Variants in BMPR1B observed in about 807,000 individuals in gnomAD.
BMPR1B encodes the protein bone morphogenetic protein receptor type-1B.
In BMPR1B, 12 loss-of-function variants were observed where a neutral mutation model predicts 59.1. That is an observed-to-expected ratio of 0.20 (90% CI 0.13 to 0.33). The LOEUF (loss-of-function observed/expected upper bound fraction) is 0.33. Ranked by LOEUF, BMPR1B falls within the 10% of genes least tolerant of loss-of-function variation. BMPR1B has a pLI of 1.00. For synonymous variants in BMPR1B, 237 were observed against 207.3 expected, an observed-to-expected ratio of 1.14 and a Z score of -1.23; for missense variants, 550 against 610.9, an observed-to-expected ratio of 0.90 and a Z score of 1.05.
chr4:94,829,575 A>G (rs116665651), intron 1 of BMPR1B, among the ~76,000 whole-genome samples: 2,541 of 152,164 alleles, frequency 0.017, 33 homozygotes, highest in Middle Eastern at 0.027. Flanking sequence ...TTCAACAGTT[A>G]TTTATTGGGT....
At chr4:95,112,956 A>G (rs1332549332) in intron 4 of BMPR1B, among the ~76,000 whole-genome samples, 2 of 152,100 alleles carry the variant, frequency 1.3e-5, no homozygotes, top group East Asian at 1.9e-4. Flanking sequence ...TCTAGCCCCT[A>G]TACCTTCCTG....
At chr4:94,892,479 C>A (rs141664072) in intron 2 of BMPR1B, among the ~76,000 whole-genome samples, 107 of 152,118 alleles carry the variant, frequency 7.0e-4, no homozygotes, top group African/African-American at 2.4e-3. Flanking sequence ...ATACTTTTAA[C>A]AAGCATTTAT....
chr4:94,913,774 A>G (rs558862387), intron 2 of BMPR1B, among the ~76,000 whole-genome samples: 169 of 152,250 alleles, frequency 1.1e-3, no homozygotes, highest in African/African-American at 3.6e-3. Flanking sequence ...GCATCATTCA[A>G]TTGAACTTTT....
intron 3 of BMPR1B, among the ~76,000 whole-genome samples, chr4:95,081,411 A>G (rs1167377165): frequency 1.3e-5 from 2 of 152,214 alleles, no homozygotes; most frequent in Admixed American, 6.5e-5. Flanking sequence ...CTCAGAAATG[A>G]ATGAATTGAG....
At chr4:94,946,187 C>T (rs3796413) in intron 2 of BMPR1B, among the ~76,000 whole-genome samples, 37,506 of 151,990 alleles carry the variant, frequency 0.25, 4,663 homozygotes, top group South Asian at 0.36. Context: ...TTATCTCTTA[C>T]GAATCTTTTG....
At chr4:94,806,930 T>G (rs529135359) in intron 1 of BMPR1B, among the ~76,000 whole-genome samples, 1 of 152,080 alleles carries the variant, frequency 6.6e-6, no homozygotes, top group Non-Finnish European at 1.5e-5. Context: ...CTTTTTCTTA[T>G]TAAAGATATT....
At chr4:95,054,831 A>G (rs1726797145) in intron 3 of BMPR1B, among the ~76,000 whole-genome samples, 1 of 152,176 alleles carries the variant, frequency 6.6e-6, no homozygotes, top group Admixed American at 6.5e-5. Flanking sequence ...TTCTAACACA[A>G]TGGTGGCAAC....
intron 2 of BMPR1B, among the ~76,000 whole-genome samples, chr4:94,882,978 A>ATGTGTGTGTGTGTGTATGTG (rs1727037626): frequency 6.9e-6 from 1 of 144,478 alleles, no homozygotes; most frequent in Non-Finnish European, 1.5e-5. Flanking sequence ...GTGTGTGTGT[A>ATGTGTGTGTGTGTGTATGTG]TGTGTGTGTG....
chr4:94,901,050 G>A (rs1271017351), intron 2 of BMPR1B, among the ~76,000 whole-genome samples: 1 of 151,972 alleles, frequency 6.6e-6, no homozygotes, highest in African/African-American at 2.4e-5. Flanking sequence ...GGCCAGTTAG[G>A]TGTCCTTTTC....
At chr4:95,094,026 G>A (rs1189719227) in intron 3 of BMPR1B, among the ~76,000 whole-genome samples, 1 of 152,002 alleles carries the variant, frequency 6.6e-6, no homozygotes, top group Admixed American at 6.6e-5. Flanking sequence ...CAATTATGTG[G>A]CATTGTGACA....
intron 1 of BMPR1B, among the ~76,000 whole-genome samples, chr4:94,812,875 C>T (rs988026037): frequency 2.0e-5 from 3 of 152,096 alleles, no homozygotes; most frequent in African/African-American, 7.2e-5. Context: ...ATTTTAAATA[C>T]AGTTTATAGA....
rs567733962 is a variant in BMPR1B at position 95,018,939 on chromosome 4, A to G, written c.-18+22805A>G. ...AGCAAGGGGCAGGTGGCGCCAATCTATTTTGATAATCCTTGTCAGCAATGT... is the reference window on the plus strand; with the variant it reads ...AGCAAGGGGCAGGTGGCGCCAATCTGTTTTGATAATCCTTGTCAGCAATGT... On this transcript the variant is annotated intron_variant, in intron 3 of 12. Coordinates refer to ENST00000515059, the MANE Select transcript of BMPR1B (RefSeq NM_001203.3). Among the ~76,000 whole-genome samples, 107 of 152,278 alleles carry G rather than the reference A, an allele frequency of 7.0e-4. No individual in the cohort carries two copies. The Middle Eastern group carries it at 0.01, about 15-fold the overall frequency.
chr4:95,154,404 G>A (rs1735264719), intron 12 of BMPR1B, 144 bp from the exon 13 acceptor site: 3 of 1,135,396 alleles, frequency 2.6e-6, no homozygotes, highest in East Asian at 2.6e-5. Context: ...CATGAAAAAA[G>A]CTTACAGAAT....
At chr4:94,822,718 AC>A (rs2110656839) in intron 1 of BMPR1B, among the ~76,000 whole-genome samples, 1 of 152,206 alleles carries the variant, frequency 6.6e-6, no homozygotes, top group African/African-American at 2.4e-5. Context: ...TAGACTTAGC[AC>A]CCAGATGACT....
chr4:95,139,280 C>G (rs538238192), intron 10 of BMPR1B, among the ~76,000 whole-genome samples: 1 of 152,122 alleles, frequency 6.6e-6, no homozygotes, highest in Non-Finnish European at 1.5e-5. Flanking sequence ...CTGGAAGCTT[C>G]GTCTCAGAGG....
At chr4:94,960,610 A>G (rs977632324) in intron 2 of BMPR1B, among the ~76,000 whole-genome samples, 1 of 152,142 alleles carries the variant, frequency 6.6e-6, no homozygotes, top group Non-Finnish European at 1.5e-5. Flanking sequence ...GAAAATGTTT[A>G]TAGTGTTGTA....
At chr4:94,830,396 A>G (rs1343466007) in intron 1 of BMPR1B, among the ~76,000 whole-genome samples, 2 of 152,156 alleles carry the variant, frequency 1.3e-5, no homozygotes, top group Admixed American at 6.5e-5. Flanking sequence ...TAAGTGATTC[A>G]TATTTTGTCA....
intron 3 of BMPR1B, among the ~76,000 whole-genome samples, chr4:95,055,388 T>A (rs1484664586): frequency 6.6e-6 from 1 of 152,212 alleles, no homozygotes; most frequent in Non-Finnish European, 1.5e-5. Context: ...AATATTGCTA[T>A]GCGGCATCAG....
chr4:94,891,729 A>C (rs1399432873), intron 2 of BMPR1B, among the ~76,000 whole-genome samples: 1 of 152,102 alleles, frequency 6.6e-6, no homozygotes, highest in Non-Finnish European at 1.5e-5. Context: ...ATTTATTAAT[A>C]TCTAGGGCTT....
Sources: allele counts gnomAD v4.1 joint callset (sites outside exome capture counted in the v4.1 genomes callset), GRCh38; gene constraint gnomAD v4.1.1; transcripts MANE v1.5; gene names NCBI Gene and HGNC (gene_info 2026-07-23, HGNC 2026-07-21).